Variants in SNX29 observed in about 807,000 individuals in gnomAD.
The protein encoded by SNX29 is sorting nexin-29.
SNX29 carries 78 observed loss-of-function variants against 102.1 expected under a neutral mutation model. The ratio of observed to expected loss-of-function variants is 0.76; its 90% CI spans 0.64 to 0.92. The LOEUF (loss-of-function observed/expected upper bound fraction) is 0.92, where lower values mean the gene tolerates loss of function less well. Ranked by LOEUF, SNX29 falls within the 40% of genes least tolerant of loss-of-function variation. The pLI, the probability that SNX29 is intolerant of heterozygous loss-of-function variation, is 0.00. For missense variants in SNX29, 1,280 were observed against 1,061.7 expected, an observed-to-expected ratio of 1.21 and a Z score of -2.86; for synonymous variants, 580 against 414.5, an observed-to-expected ratio of 1.40 and a Z score of -4.85.
chr16:12,559,317 C>G (rs1475925716), intron 20 of SNX29, among the ~76,000 whole-genome samples: 1 of 151,938 alleles, frequency 6.6e-6, no homozygotes, highest in Admixed American at 6.6e-5. Flanking sequence ...CTATTGTGAA[C>G]TGCCCATGTG....
intron 20 of SNX29, among the ~76,000 whole-genome samples, chr16:12,545,916 T>G (rs1220066500): frequency 6.6e-6 from 1 of 152,124 alleles, no homozygotes; most frequent in Admixed American, 6.6e-5. Flanking sequence ...TTCTAGGTGT[T>G]CGGGGCTATT....
chr16:12,171,035 G>A (rs1231633367), intron 13 of SNX29, among the ~76,000 whole-genome samples: 1 of 152,008 alleles, frequency 6.6e-6, no homozygotes. Flanking sequence ...ATAGCAGCTT[G>A]GAGGAGAGCT....
intron 20 of SNX29, among the ~76,000 whole-genome samples, chr16:12,555,399 T>G (rs2078269576): frequency 6.7e-6 from 1 of 150,236 alleles, no homozygotes; most frequent in Non-Finnish European, 1.5e-5. Flanking sequence ...GCGTGTCTGC[T>G]GGGCTGCTGG....
At chr16:12,205,942 G>T (rs568398485) in intron 14 of SNX29, among the ~76,000 whole-genome samples, 20 of 152,314 alleles carry the variant, frequency 1.3e-4, no homozygotes, top group African/African-American at 4.8e-4. Context: ...GGAGCTGTTG[G>T]ATCTCATGGC....
intron 14 of SNX29, among the ~76,000 whole-genome samples, chr16:12,251,774 T>C (rs1250214037): frequency 6.6e-6 from 1 of 152,004 alleles, no homozygotes; most frequent in Non-Finnish European, 1.5e-5. Flanking sequence ...TTTTTTTTTC[T>C]TTAGAGACAG....
chr16:12,352,966 A>T (rs9929445), intron 15 of SNX29, among the ~76,000 whole-genome samples: 49 of 152,182 alleles, frequency 3.2e-4, no homozygotes, highest in Admixed American at 1.2e-3. Context: ...CCTGGTGGGG[A>T]TATAGGCGTG....
intron 20 of SNX29, among the ~76,000 whole-genome samples, chr16:12,566,564 T>C (rs960231783): frequency 6.6e-6 from 1 of 152,206 alleles, no homozygotes; most frequent in African/African-American, 2.4e-5. Context: ...GGCATGGCTT[T>C]AAACTGACTT....
At chr16:12,063,827 A>C (rs549614623) in intron 9 of SNX29, among the ~76,000 whole-genome samples, 26 of 150,848 alleles carry the variant, frequency 1.7e-4, no homozygotes, top group Non-Finnish European at 3.3e-4. Context: ...GGCCTAGCTC[A>C]TGTTTGCAGG....
In SNX29 at chr16:12,481,291, C is replaced by T. The variant is rs144552154; in HGVS notation, c.2178+3432C>T. 4.3e-3 allele frequency among the ~76,000 whole-genome samples: 648 copies of T among 152,150 alleles called. 3 individuals are homozygous for T. The highest frequency in any genetic ancestry group is 7.6e-3 in the Admixed American group (116 of 15,282). ...TCTGACCACCCAGTTCGTGAGCAGT[C>T]TTGGGGCCACAGCTCCATTTCTCGC... On this transcript the variant is annotated intron_variant, in intron 19 of 20. Coordinates refer to ENST00000566228, the MANE Select transcript of SNX29 (RefSeq NM_032167.5).
At chr16:12,276,360 TTCTG>T (rs1567387021) in intron 14 of SNX29, among the ~76,000 whole-genome samples, 1 of 152,232 alleles carries the variant, frequency 6.6e-6, no homozygotes, top group Non-Finnish European at 1.5e-5. Flanking sequence ...CAGGGCTTCT[TTCTG>T]CGTGTTTCCT....
In SNX29 at chr16:12,544,317, C is replaced by G. The variant is rs547674529; in HGVS notation, c.2318+19476C>G. ...CCAGGCCACAGGGGAAGGTGGACCC[C>G]AAAGTCATGAGGCAGGAAAAGTCAG... On this transcript the variant is annotated intron_variant, in intron 20 of 20. Transcript: ENST00000566228. Among the ~76,000 whole-genome samples the G allele has an allele frequency of 1.1e-4, 17 of 152,218 alleles. No individual in the cohort carries two copies. The East Asian group carries it at 3.3e-3, about 29-fold the overall frequency.
chr16:12,252,913 T>G (rs1332923861), intron 14 of SNX29, among the ~76,000 whole-genome samples: 1 of 152,174 alleles, frequency 6.6e-6, no homozygotes, highest in Non-Finnish European at 1.5e-5. Flanking sequence ...GCTTAACAAA[T>G]TCCACTCCTT....
intron 19 of SNX29, among the ~76,000 whole-genome samples, chr16:12,512,342 T>G (rs1366969730): frequency 7.4e-6 from 1 of 135,128 alleles, no homozygotes; most frequent in Non-Finnish European, 1.6e-5. Flanking sequence ...CATCACTGTT[T>G]ACGTCCATCA....
chr16:12,514,697 T>G (rs1378934551), intron 19 of SNX29, among the ~76,000 whole-genome samples: 1 of 152,090 alleles, frequency 6.6e-6, no homozygotes, highest in East Asian at 1.9e-4. Flanking sequence ...AAACCCCGTC[T>G]CTAGTAAAAA....
At chr16:12,045,115 T>G (rs1180176322) in intron 5 of SNX29, among the ~76,000 whole-genome samples, 1 of 152,218 alleles carries the variant, frequency 6.6e-6, no homozygotes, top group African/African-American at 2.4e-5. Flanking sequence ...TAAAGGATTA[T>G]GATTTTAGGA....
At chr16:12,285,783 TA>T (rs1178653812) in intron 15 of SNX29, among the ~76,000 whole-genome samples, 1 of 152,178 alleles carries the variant, frequency 6.6e-6, no homozygotes, top group Non-Finnish European at 1.5e-5. Context: ...GGACTCAGGA[TA>T]AAAAACTCTG....
intron 14 of SNX29, among the ~76,000 whole-genome samples, chr16:12,204,333 A>C (rs2076992373): frequency 1.3e-5 from 2 of 152,128 alleles, no homozygotes; most frequent in Non-Finnish European, 2.9e-5. Flanking sequence ...GCAAATTATT[A>C]TGTCTTTCCT....
chr16:12,116,096 A>G (rs928974717), intron 11 of SNX29, among the ~76,000 whole-genome samples: 1 of 152,248 alleles, frequency 6.6e-6, no homozygotes, highest in Non-Finnish European at 1.5e-5. Context: ...TGTAAGTGCA[A>G]TATAGTGATT....
At chr16:12,551,473 G>A (rs1028961399) in intron 20 of SNX29, among the ~76,000 whole-genome samples, 1 of 152,214 alleles carries the variant, frequency 6.6e-6, no homozygotes, top group African/African-American at 2.4e-5. Context: ...GCCAGGCCCT[G>A]CCTGGTTAAT....
Sources: allele counts gnomAD v4.1 joint callset (sites outside exome capture counted in the v4.1 genomes callset), GRCh38; gene constraint gnomAD v4.1.1; transcripts MANE v1.5; gene names NCBI Gene and HGNC (gene_info 2026-07-23, HGNC 2026-07-21).